MPZL1: variants seen among roughly 807,000 people sequenced by gnomAD.
MPZL1 encodes myelin protein zero like 1.
A neutral mutation model predicts 29.3 loss-of-function variants in MPZL1; 16 were observed. The ratio of observed to expected loss-of-function variants is 0.55; its 90% CI spans 0.37 to 0.83. The LOEUF is 0.83. MPZL1 is among the 40% of genes least tolerant of loss of function. The pLI, the probability that MPZL1 is intolerant of heterozygous loss-of-function variation, is 0.00. For synonymous variants in MPZL1, 143 were observed against 132.0 expected (o/e 1.08, Z -0.57); for missense variants, 279 against 332.9 (o/e 0.84, Z 1.26).
chr1:167,741,123 C>T (rs1243323884), intron 1 of MPZL1, among the ~76,000 whole-genome samples: 1 of 152,108 alleles, frequency 6.6e-6, no homozygotes, highest in Non-Finnish European at 1.5e-5. Context: ...CTCAAGCAAT[C>T]CTGCTGCCTC....
At chr1:167,729,031 T>A (rs998202149) in intron 1 of MPZL1, among the ~76,000 whole-genome samples, 26 of 151,992 alleles carry the variant, frequency 1.7e-4, no homozygotes, top group African/African-American at 6.3e-4. Flanking sequence ...TTTGAGAGGC[T>A]GAGGCGGGTG....
chr1:167,780,316 T>C (rs1661470149), intron 5 of MPZL1, among the ~76,000 whole-genome samples: 1 of 152,104 alleles, frequency 6.6e-6, no homozygotes, highest in Non-Finnish European at 1.5e-5. Context: ...ACAAATTGGA[T>C]AGAAAAGCAA....
At position 167,772,373 on chromosome 1, in the gene MPZL1, A is replaced by G; in HGVS notation, c.357A>G (p.Ser119=). 6.2e-7 allele frequency: 1 copy of G among 1,613,970 alleles called. No individual in the cohort carries two copies. The highest frequency in any genetic ancestry group is 8.5e-7 in the Non-Finnish European group (1 of 1,179,814). ...WAGDLDKKDA[S]INIENMQFIH... ...GAGACCTTGACAAGAAAGATGCATC[A>G]ATCAACATAGAAAATATGCAGTTTA... Residue 119 remains serine (S), a synonymous_variant, in exon 3 of 6, where the codon TCA becomes TCG. Transcript: ENST00000359523.
At chr1:167,759,207 C>CT (rs1230060210) in intron 1 of MPZL1, among the ~76,000 whole-genome samples, 1 of 152,124 alleles carries the variant, frequency 6.6e-6, no homozygotes, top group African/African-American at 2.4e-5. Context: ...AGATTCTAGT[C>CT]TTCAGTGACA....
chr1:167,743,005 A>G (rs1014297958), intron 1 of MPZL1, among the ~76,000 whole-genome samples: 2 of 151,926 alleles, frequency 1.3e-5, no homozygotes, highest in African/African-American at 2.4e-5. Context: ...GCCTATTTTT[A>G]TTACAGTACC....
At chr1:167,755,473 C>T (rs1049763670) in intron 1 of MPZL1, among the ~76,000 whole-genome samples, 1 of 152,166 alleles carries the variant, frequency 6.6e-6, no homozygotes, top group African/African-American at 2.4e-5. Context: ...GTGTTATTTT[C>T]TTATCTATCA....
chr1:167,780,126 A>C (rs1661465268), intron 5 of MPZL1, among the ~76,000 whole-genome samples: 1 of 151,990 alleles, frequency 6.6e-6, no homozygotes, highest in African/African-American at 2.4e-5. Context: ...AAGAAACTTT[A>C]ATGTAATCAT....
At chr1:167,772,165 A>G in intron 2 of MPZL1, 110 bp from the exon 3 acceptor site, 9 of 868,002 alleles carry the variant, frequency 1.0e-5, no homozygotes, top group South Asian at 1.8e-5. Flanking sequence ...GAGATGTTGC[A>G]TTTCTTTCCG....
chr1:167,774,510 G>T (rs1271631332), intron 4 of MPZL1: 1 of 152,324 alleles, frequency 6.6e-6, no homozygotes, highest in East Asian at 1.9e-4. Flanking sequence ...TCTGCTGACT[G>T]TATCTGCCCC....
intron 2 of MPZL1, among the ~76,000 whole-genome samples, chr1:167,768,865 G>A (rs1272434085): frequency 2.0e-5 from 3 of 152,256 alleles, no homozygotes; most frequent in African/African-American, 4.8e-5. Flanking sequence ...CAGGGAATAT[G>A]TGGAGATGTT....
At chr1:167,755,578 G>C (rs1660852621) in intron 1 of MPZL1, among the ~76,000 whole-genome samples, 1 of 152,150 alleles carries the variant, frequency 6.6e-6, no homozygotes, top group African/African-American at 2.4e-5. Flanking sequence ...CCTACCAAAA[G>C]TTCCTTATTT....
Position 167,791,274 on chromosome 1 carries a change from A to G in MPZL1, c.*3353A>G, listed in dbSNP as rs1387469966. On this transcript the variant is annotated 3_prime_UTR_variant, in exon 6 of 6. Transcript: ENST00000359523. ...ACAGCACCTGGCACTTAGCTGCTCAATACATGTTACGTGGATGGATGAGTA... is the reference window on the plus strand; with the variant it reads ...ACAGCACCTGGCACTTAGCTGCTCAGTACATGTTACGTGGATGGATGAGTA... 1.3e-5 allele frequency: 2 copies of G among 152,272 alleles called. No homozygotes were observed. The highest frequency in any genetic ancestry group is 4.8e-5 in the African/African-American group (2 of 41,450). The allele number at this position is 152,272 out of a possible 1,614,324, so 9.4% of individuals were successfully genotyped here.
At chr1:167,758,169 A>C (rs1042044123) in intron 1 of MPZL1, among the ~76,000 whole-genome samples, 8 of 152,022 alleles carry the variant, frequency 5.3e-5, no homozygotes, top group African/African-American at 1.7e-4. Context: ...AAAAAAAAAA[A>C]AGATAAGGTT....
intron 1 of MPZL1, among the ~76,000 whole-genome samples, chr1:167,724,854 G>A (rs1290348339): frequency 2.0e-5 from 3 of 152,154 alleles, no homozygotes; most frequent in Admixed American, 2.0e-4. Context: ...GGCATCCAGG[G>A]AAAATGCACT....
chr1:167,729,421 A>G (rs1486361984), intron 1 of MPZL1, among the ~76,000 whole-genome samples: 1 of 152,244 alleles, frequency 6.6e-6, no homozygotes, highest in Non-Finnish European at 1.5e-5. Flanking sequence ...AAAGATGAAA[A>G]GTTATAAGGT....
In MPZL1 at chr1:167,773,355, C is replaced by A. The variant is rs979118953; in HGVS notation, c.592C>A (p.Arg198=). 1 of 1,613,428 alleles carries A rather than the reference C, an allele frequency of 6.2e-7. No homozygotes were observed. The highest frequency in any genetic ancestry group is 8.5e-7 in the Non-Finnish European group (1 of 1,179,720). ...AVLYRRKNSK[R]DYTGCSTSES... ...CCTCTATAGAAGGAAAAACTCTAAA[C>A]GGGATTACACTGGGTAAGAAACACT... Residue 198 remains arginine, a synonymous_variant, in exon 4 of 6, where the codon CGG becomes AGG. Transcript: ENST00000359523.
At chr1:167,772,664 GT>G (rs1661277639) in intron 3 of MPZL1, among the ~76,000 whole-genome samples, 176 bp downstream of exon 3, 5 of 152,254 alleles carry the variant, frequency 3.3e-5, no homozygotes, top group Admixed American at 3.3e-4. Context: ...TGGGAAACTT[GT>G]TGCTCATTCT....
At chr1:167,786,388 T>A (rs183857727) in intron 5 of MPZL1, among the ~76,000 whole-genome samples, 5 of 152,204 alleles carry the variant, frequency 3.3e-5, no homozygotes, top group Admixed American at 3.3e-4. Flanking sequence ...TATCATCTTA[T>A]TTAATTTTCA....
rs1056097477 is a variant in MPZL1, at chr1:167,773,201, A to G, written c.473-35A>G. 5 of 1,594,994 alleles carry G rather than the reference A, an allele frequency of 3.1e-6. No individual in the cohort carries two copies. In the African/African-American group the frequency reaches 4.0e-5, roughly 13 times the overall value. The stretch of plus-strand genomic sequence containing the variant: ...AATTCCATGTTTTCTCTCTGTAGCA[A>G]TGTACCTTAAAACTATTTTGTTCTT... On this transcript the variant is annotated intron_variant, in intron 3 of 5. Coordinates refer to ENST00000359523, the MANE Select transcript of MPZL1 (RefSeq NM_003953.6).
Sources: gnomAD v4.1 joint callset for allele counts (sites outside exome capture counted in the v4.1 genomes callset) on GRCh38, gnomAD v4.1.1 for gene constraint, MANE v1.5 for transcripts, NCBI Gene and HGNC (gene_info 2026-07-23, HGNC 2026-07-21) for gene names.